WDPCP: variants seen among roughly 807,000 people sequenced by gnomAD.
WDPCP encodes WD repeat-containing and planar cell polarity effector protein fritz homolog.
In WDPCP, 71 loss-of-function variants were observed where a neutral mutation model predicts 93.1. The ratio of observed to expected loss-of-function variants is 0.76; its 90% CI spans 0.63 to 0.93. The LOEUF (loss-of-function observed/expected upper bound fraction) is 0.93. Among genes scored for constraint, WDPCP ranks in the 40% least tolerant of loss-of-function variants. The pLI is 0.00. For synonymous variants in WDPCP, 315 were observed against 315.0 expected (o/e 1.00, Z 0.00); for missense variants, 844 against 887.4 (o/e 0.95, Z 0.62).
intron 12 of WDPCP, among the ~76,000 whole-genome samples, chr2:63,356,349 T>TA (rs1057217501): frequency 6.6e-6 from 1 of 152,130 alleles, no homozygotes; most frequent in African/African-American, 2.4e-5. Flanking sequence ...AACACTCCAC[T>TA]AACAGTATTA....
intron 17 of WDPCP, among the ~76,000 whole-genome samples, chr2:63,139,175 A>ACG (rs1670875230): frequency 6.7e-6 from 1 of 149,074 alleles, no homozygotes; most frequent in Admixed American, 6.7e-5. Context: ...GTGTATACAC[A>ACG]CACACACACA....
chr2:63,511,824 G>T (rs1053845905), intron 1 of WDPCP, among the ~76,000 whole-genome samples: 1 of 152,184 alleles, frequency 6.6e-6, no homozygotes, highest in Non-Finnish European at 1.5e-5. Context: ...ATACCATTCA[G>T]GACATAGGCA....
intron 1 of WDPCP, among the ~76,000 whole-genome samples, chr2:63,512,113 T>G (rs945534799): frequency 1.6e-4 from 24 of 152,258 alleles, no homozygotes; most frequent in Non-Finnish European, 2.6e-4. Context: ...AAGAAGACAT[T>G]TATGCAGCCA....
chr2:63,423,236 T>A (rs1195462280), intron 9 of WDPCP, among the ~76,000 whole-genome samples: 1 of 152,176 alleles, frequency 6.6e-6, no homozygotes. Context: ...TCTTTAAAAA[T>A]TGCCATCCCT....
At chr2:63,803,204 T>G (rs1038103397) in intron 2 of WDPCP, among the ~76,000 whole-genome samples, 2 of 152,210 alleles carry the variant, frequency 1.3e-5, no homozygotes, top group Non-Finnish European at 2.9e-5. Context: ...CACTTTGACA[T>G]TCATACTCTG....
chr2:63,667,839 T>C (rs1710301433), intron 2 of WDPCP, among the ~76,000 whole-genome samples: 3 of 152,162 alleles, frequency 2.0e-5, no homozygotes, highest in Non-Finnish European at 4.4e-5. Flanking sequence ...CTTCCTTTAA[T>C]ATTCAAATAA....
chr2:63,438,141 C>CTGT, intron 7 of WDPCP: 3 of 564,940 alleles, frequency 5.3e-6, no homozygotes, highest in South Asian at 8.7e-5. Flanking sequence ...GTCACCAAAG[C>CTGT]ACACAAGTAG....
intron 1 of WDPCP, among the ~76,000 whole-genome samples, chr2:63,526,553 C>T (rs1250381707): frequency 6.6e-6 from 1 of 152,140 alleles, no homozygotes; most frequent in Non-Finnish European, 1.5e-5. Context: ...CACCTTTTAC[C>T]ATTTTCCTCC....
At chr2:63,602,462 A>G (rs1309998893) in intron 3 of WDPCP, among the ~76,000 whole-genome samples, 1 of 151,764 alleles carries the variant, frequency 6.6e-6, no homozygotes, top group Non-Finnish European at 1.5e-5. Flanking sequence ...GGTACCTTAC[A>G]TAACTACAGA....
At chr2:63,729,422 T>G (rs183850962) in intron 2 of WDPCP, among the ~76,000 whole-genome samples, 98 of 152,190 alleles carry the variant, frequency 6.4e-4, no homozygotes, top group Admixed American at 5.6e-3. Flanking sequence ...ACAGAATAGG[T>G]GGTGGTGGGG....
At chr2:63,840,469 G>A in the WDPCP span, among the ~76,000 whole-genome samples, 1 of 152,230 alleles carries the variant, frequency 6.6e-6, no homozygotes, top group Non-Finnish European at 1.5e-5. Context: ...TGGTTCCGGT[G>A]AGGGAGCCTT....
chr2:63,412,420 A>T (rs949230715), intron 9 of WDPCP, among the ~76,000 whole-genome samples: 1 of 152,192 alleles, frequency 6.6e-6, no homozygotes, highest in Admixed American at 6.5e-5. Context: ...CACAGCCAAC[A>T]TAATACTGAA....
Position 63,572,477 on chromosome 2 carries a change from C to T in WDPCP, c.75+15720G>A, listed in dbSNP as rs544288500. 5.3e-5 allele frequency among the ~76,000 whole-genome samples: 8 copies of T among 151,562 alleles called. No homozygotes were observed. In the East Asian group the frequency reaches 5.8e-4, roughly 11 times the overall value. ...CAGGACTTTGGGAGGCCAAGGTGGG[C>T]GGATCACCTGAGGTCAGGAGCTTGA... On this transcript the variant is annotated intron_variant, in intron 1 of 17. Coordinates refer to ENST00000272321, the MANE Select transcript of WDPCP (RefSeq NM_015910.7).
At chr2:63,257,281 A>G (rs1256498204) in intron 14 of WDPCP, among the ~76,000 whole-genome samples, 1 of 152,166 alleles carries the variant, frequency 6.6e-6, no homozygotes, top group Non-Finnish European at 1.5e-5. Flanking sequence ...CAAAAATTTA[A>G]TAACTTTCAG....
Position 63,157,047 on chromosome 2 carries a change from C to CT in WDPCP, c.2079-3474dup, listed in dbSNP as rs75011675. On this transcript the variant is annotated intron_variant, in intron 15 of 17. Transcript: ENST00000272321. ...CCCCTTCTACTCCTAGTTTTCTGGG[C>CT]TTTTTTTTTTTTTTTAATTATGAAT... is the stretch of plus-strand genomic sequence containing the variant. Among the ~76,000 whole-genome samples, 214 of 123,200 alleles carry CT rather than the reference C, an allele frequency of 1.7e-3. 2 individuals carry two copies. Among genetic ancestry groups the CT allele is most frequent in the Middle Eastern group, 4.7e-3 (1 of 214 alleles). The allele number at this position is 123,200 out of a possible 152,430, so 80.8% of individuals were successfully genotyped here. A position where few individuals can be genotyped will look rare whatever the true frequency, so the allele number is the denominator to read the frequency against.
chr2:63,340,775 T>C (rs1369672123), intron 12 of WDPCP, among the ~76,000 whole-genome samples: 1 of 152,194 alleles, frequency 6.6e-6, no homozygotes, highest in East Asian at 1.9e-4. Flanking sequence ...GGGTTGTTGT[T>C]GGTAGAAATC....
chr2:63,742,077 G>A lies in WDPCP; in HGVS notation n.308+71545C>T, dbSNP rs139000116. On this transcript the variant is annotated intron_variant and non_coding_transcript_variant, in intron 2 of 4. Coordinates refer to the WDPCP transcript ENST00000467687. ...GTGCTTGGGCTTGACTCAGTCTGAT[G>A]TCTATCTCTTGGCATAAACCCAGAG... Among the ~76,000 whole-genome samples, 59 of 152,184 alleles carry A rather than the reference G, an allele frequency of 3.9e-4. No homozygotes were observed. In the East Asian group the frequency reaches 9.9e-3, roughly 25 times the overall value.
At chr2:63,219,102 T>C (rs969215985) in intron 14 of WDPCP, among the ~76,000 whole-genome samples, 11 of 152,204 alleles carry the variant, frequency 7.2e-5, no homozygotes, top group African/African-American at 2.7e-4. Context: ...CAATGCTCTT[T>C]ACTATTAGGG....
chr2:63,522,040 G>T (rs1024081984), intron 1 of WDPCP, among the ~76,000 whole-genome samples: 7 of 151,606 alleles, frequency 4.6e-5, no homozygotes, highest in African/African-American at 1.2e-4. Context: ...AATTTTTTTT[G>T]GTTTTTTTAA....
Sources: allele counts gnomAD v4.1 joint callset (sites outside exome capture counted in the v4.1 genomes callset), GRCh38; gene constraint gnomAD v4.1.1; transcripts MANE v1.5; gene names NCBI Gene and HGNC (gene_info 2026-07-23, HGNC 2026-07-21).